Variants in RANBP3L observed in about 807,000 individuals in gnomAD.
RANBP3L encodes RAN binding protein 3 like, also known as ran-binding protein 3-like.
RANBP3L carries 56 observed loss-of-function variants against 67.2 expected under a neutral mutation model. That is an observed-to-expected ratio of 0.83 (90% CI 0.67 to 1.04). The LOEUF is 1.04. Among genes scored for constraint, RANBP3L ranks in the 50% least tolerant of loss-of-function variants. RANBP3L has a pLI of 0.00. For missense variants in RANBP3L, 496 were observed against 535.5 expected, an observed-to-expected ratio of 0.93 and a Z score of 0.73; for synonymous variants, 164 against 181.4, an observed-to-expected ratio of 0.90 and a Z score of 0.77.
At chr5:36,256,113 G>A (rs10041692) in intron 10 of RANBP3L, among the ~76,000 whole-genome samples, 3,542 of 152,136 alleles carry the variant, frequency 0.023, 160 homozygotes, top group South Asian at 0.2. Flanking sequence ...GCATGATAAC[G>A]TGGAGAAGTA....
At chr5:36,257,604 T>G (rs375269424) in intron 8 of RANBP3L, 48 bp from the exon 9 acceptor site, 57 of 853,734 alleles carry the variant, frequency 6.7e-5, no homozygotes, top group Non-Finnish European at 1.0e-4. Context: ...AAGTTTTAAT[T>G]TTATCCCTAC....
chr5:36,263,683 T>C (rs1010227756), intron 6 of RANBP3L, among the ~76,000 whole-genome samples: 1 of 152,170 alleles, frequency 6.6e-6, no homozygotes, highest in Non-Finnish European at 1.5e-5. Context: ...CATGCCACCA[T>C]GCCCAGCTAA....
chr5:36,279,312 C>T (rs1168037929), intron 1 of RANBP3L, among the ~76,000 whole-genome samples: 1 of 152,092 alleles, frequency 6.6e-6, no homozygotes, highest in Admixed American at 6.6e-5. Context: ...GTACTTGTTT[C>T]TACTTATTTC....
chr5:36,296,403 T>A (rs1211897225), intron 1 of RANBP3L, among the ~76,000 whole-genome samples: 1 of 152,158 alleles, frequency 6.6e-6, no homozygotes, highest in East Asian at 1.9e-4. Flanking sequence ...ACTCAGAGAA[T>A]AAGTGTCAGA....
At position 36,260,827 on chromosome 5, in the gene RANBP3L, A is replaced by G; in HGVS notation, c.622T>C (p.Cys208Arg). ...PNEDKCSFKS[C>R]SSNFVFGENM... is the part of the protein sequence containing the mutation. ...TCTCCAAAAACAAAATTGGAACTGC[A>G]GCTTTTAAAAGAACATTTATCTTCA... is the stretch of plus-strand genomic sequence containing the variant. Residue 208 changes from cysteine (C) to arginine (R), a missense_variant, in exon 8 of 14, where the codon TGC (cysteine) becomes CGC (arginine). Cys to Arg is a radical substitution (Grantham distance 180). Transcript: ENST00000296604. The G allele has an allele frequency of 1.3e-6, 2 of 1,556,074 alleles. No homozygotes were observed. The highest frequency in any genetic ancestry group is 1.8e-6 in the Non-Finnish European group (2 of 1,133,282).
At chr5:36,265,606 C>T (rs769491592) in intron 4 of RANBP3L, 86 bp from the exon 5 acceptor site, 17 of 743,014 alleles carry the variant, frequency 2.3e-5, no homozygotes, top group African/African-American at 3.6e-5. Context: ...CCATTCCGAA[C>T]TCACCAGCAG....
chr5:36,284,459 TAAGTC>T (rs772500003), intron 1 of RANBP3L, among the ~76,000 whole-genome samples: 3 of 152,200 alleles, frequency 2.0e-5, no homozygotes, highest in Non-Finnish European at 4.4e-5. Flanking sequence ...ATTAAAATTT[TAAGTC>T]AAGTTAATGA....
intron 7 of RANBP3L, 115 bp downstream of exon 7, chr5:36,261,823 TG>T: frequency 1.9e-6 from 1 of 521,194 alleles, no homozygotes; most frequent in Non-Finnish European, 3.5e-6. Context: ...TCCTTTCAAA[TG>T]GGAATCTTGG....
chr5:36,282,988 G>A (rs1461510629), intron 1 of RANBP3L, among the ~76,000 whole-genome samples: 1 of 152,146 alleles, frequency 6.6e-6, no homozygotes, highest in Non-Finnish European at 1.5e-5. Context: ...TACCAGAAAC[G>A]TTTTGTTCAC....
At chr5:36,295,762 T>C (rs1752169890) in intron 1 of RANBP3L, among the ~76,000 whole-genome samples, 1 of 151,878 alleles carries the variant, frequency 6.6e-6, no homozygotes, top group South Asian at 2.1e-4. Context: ...TATTTATTTA[T>C]TGTTTCCTAG....
intron 10 of RANBP3L, 50 bp from the exon 11 acceptor site, chr5:36,255,640 G>T: frequency 2.2e-6 from 3 of 1,384,220 alleles, no homozygotes; most frequent in Non-Finnish European, 3.0e-6. Flanking sequence ...TTTTTTCAAA[G>T]TAAATTATTT....
In RANBP3L at chr5:36,249,630, T is replaced by G. The variant is rs1442389151; in HGVS notation, c.*24A>C. 9 of 1,393,816 alleles carry G rather than the reference T, an allele frequency of 6.5e-6. No homozygotes were observed. Among genetic ancestry groups the G allele is most frequent in the Non-Finnish European group, 8.9e-6 (9 of 1,011,014 alleles). The allele number at this position is 1,393,816 out of a possible 1,614,324, so 86.3% of individuals were successfully genotyped here. ...GTAGGGTGACCCCTCTTTTTGTAGATGTCATGTTTATAGTAGGTAGTATTC... is the reference window on the plus strand; with the variant it reads ...GTAGGGTGACCCCTCTTTTTGTAGAGGTCATGTTTATAGTAGGTAGTATTC... On this transcript the variant is annotated 3_prime_UTR_variant, in exon 14 of 14. Transcript: ENST00000296604.
At chr5:36,283,650 T>A (rs1043233597) in intron 1 of RANBP3L, among the ~76,000 whole-genome samples, 1 of 152,096 alleles carries the variant, frequency 6.6e-6, no homozygotes, top group Non-Finnish European at 1.5e-5. Context: ...ATAATCCATT[T>A]TCAGCATTCA....
chr5:36,268,265 A>G, intron 4 of RANBP3L: 3 of 1,532,442 alleles, frequency 2.0e-6, no homozygotes, highest in Non-Finnish European at 2.6e-6. Context: ...GACAAGGTTG[A>G]CACTAAAAGC....
At chr5:36,297,176 T>A (rs188759672) in intron 1 of RANBP3L, among the ~76,000 whole-genome samples, 2 of 152,306 alleles carry the variant, frequency 1.3e-5, no homozygotes, top group Admixed American at 1.3e-4. Flanking sequence ...ATATACTGTA[T>A]TCTTATGATA....
At chr5:36,260,686 A>T in intron 8 of RANBP3L, 94 bp downstream of exon 8, 1 of 625,814 alleles carries the variant, frequency 1.6e-6, no homozygotes. Flanking sequence ...TAAAAAGTAT[A>T]ATTCAATTTA....
chr5:36,257,065 T>C lies in RANBP3L; in HGVS notation c.779A>G (p.Asp260Gly), dbSNP rs758503610. 6.2e-7 allele frequency: 1 copy of C among 1,610,454 alleles called. No individual in the cohort carries two copies. The change falls in exon 10 of 14, where the codon GAC becomes GGC. Residue 260 changes from aspartate (D) to glycine (G), a missense_variant. Asp to Gly is a moderately conservative substitution (Grantham distance 94). Transcript: ENST00000296604. ...AATTAGGGAAGTATTTTTAATAGAG[T>C]CTGTTCCTAAGAGAAAATGGGGAAA... ...FPVNFLSSRT[D>G]SIKNTSLIES... is the part of the protein sequence containing the mutation.
At chr5:36,288,068 T>C (rs1751449656) in intron 1 of RANBP3L, among the ~76,000 whole-genome samples, 1 of 152,222 alleles carries the variant, frequency 6.6e-6, no homozygotes, top group African/African-American at 2.4e-5. Flanking sequence ...AATGCACAGA[T>C]GAATTTTTGA....
Position 36,269,998 on chromosome 5 carries a change from G to C in RANBP3L, c.151-8C>G. ...GGTGTCTTCTGCAGGTCTCTGAAAG[G>C]AAACAAAACCACTGAGGAGAGCTGA... On this transcript the variant is annotated splice_region_variant and splice_polypyrimidine_tract_variant and intron_variant, in intron 2 of 13. Transcript: ENST00000296604. The C allele has an allele frequency of 6.2e-7, 1 of 1,612,318 alleles. No individual in the cohort carries two copies. Among genetic ancestry groups the C allele is most frequent in the Non-Finnish European group, 8.5e-7 (1 of 1,178,328 alleles).
Sources: allele counts gnomAD v4.1 joint callset (sites outside exome capture counted in the v4.1 genomes callset), GRCh38; gene constraint gnomAD v4.1.1; transcripts MANE v1.5; gene names NCBI Gene and HGNC (gene_info 2026-07-23, HGNC 2026-07-21).